KIAA1217: variants seen among roughly 807,000 people sequenced by gnomAD.
KIAA1217 encodes KIAA1217, also known as sickle tail protein homolog.
In KIAA1217, 88 loss-of-function variants were observed where a neutral mutation model predicts 163.9. That is an observed-to-expected ratio of 0.54 (90% CI 0.45 to 0.64). KIAA1217 has a LOEUF of 0.64. KIAA1217 is among the 30% of genes least tolerant of loss of function. The pLI is 0.00. For missense variants in KIAA1217, 2,372 were observed against 2,475.0 expected, an observed-to-expected ratio of 0.96 and a Z score of 0.88; for synonymous variants, 903 against 923.1, an observed-to-expected ratio of 0.98 and a Z score of 0.39.
intron 1 of KIAA1217, among the ~76,000 whole-genome samples, chr10:23,780,195 T>G (rs1159121490): frequency 1.3e-5 from 2 of 152,224 alleles, no homozygotes; most frequent in African/African-American, 4.8e-5. Flanking sequence ...TTGATATACT[T>G]GTACATAGTG....
intron 1 of KIAA1217, among the ~76,000 whole-genome samples, chr10:23,937,898 G>A (rs1843600286): frequency 6.6e-6 from 1 of 152,142 alleles, no homozygotes; most frequent in Non-Finnish European, 1.5e-5. Flanking sequence ...TCCAGGAATC[G>A]GTTTCCAGAC....
chr10:24,248,670 CAAAAAA>C (rs929995548), intron 2 of KIAA1217, among the ~76,000 whole-genome samples: 14 of 36,476 alleles, frequency 3.8e-4, no homozygotes, highest in Admixed American at 7.8e-4. Context: ...GACTCCATCT[CAAAAAA>C]AAAAAAAAAA....
At chr10:23,932,160 C>T (rs1843279263) in intron 1 of KIAA1217, among the ~76,000 whole-genome samples, 1 of 152,066 alleles carries the variant, frequency 6.6e-6, no homozygotes, top group Non-Finnish European at 1.5e-5. Context: ...TTGGTGCAGT[C>T]CTGAAGTTGA....
chr10:23,934,044 A>C (rs1372220836), intron 1 of KIAA1217, among the ~76,000 whole-genome samples: 3 of 152,186 alleles, frequency 2.0e-5, no homozygotes, highest in Non-Finnish European at 4.4e-5. Context: ...CTGGATATGC[A>C]CTCAAAGAAC....
At chr10:24,389,562 AG>A (rs1217709101) in intron 3 of KIAA1217, among the ~76,000 whole-genome samples, 2 of 150,444 alleles carry the variant, frequency 1.3e-5, no homozygotes, top group Non-Finnish European at 3.0e-5. Context: ...AAAAAAAAAA[AG>A]AAAGAAAGAA....
intron 1 of KIAA1217, among the ~76,000 whole-genome samples, chr10:23,990,828 G>A (rs922099363): frequency 6.6e-6 from 1 of 152,174 alleles, no homozygotes; most frequent in Non-Finnish European, 1.5e-5. Flanking sequence ...TTAGGGGTTG[G>A]CAGCCAGAGA....
chr10:24,516,176 A>C (rs1263925767), intron 10 of KIAA1217, among the ~76,000 whole-genome samples: 1 of 152,278 alleles, frequency 6.6e-6, no homozygotes, highest in Non-Finnish European at 1.5e-5. Context: ...AAGGACTTCC[A>C]GGCAGTAGAA....
At chr10:23,890,199 T>C (rs1167805608) in intron 1 of KIAA1217, among the ~76,000 whole-genome samples, 3 of 151,678 alleles carry the variant, frequency 2.0e-5, no homozygotes, top group Non-Finnish European at 4.4e-5. Context: ...AAAAAATAAA[T>C]TTCTTATTTG....
intron 3 of KIAA1217, among the ~76,000 whole-genome samples, chr10:24,424,931 AAT>A (rs954871505): frequency 6.6e-6 from 1 of 152,134 alleles, no homozygotes; most frequent in African/African-American, 2.4e-5. Flanking sequence ...AAGACTCTTG[AAT>A]ACAGTCTCTT....
chr10:23,854,022 G>A (rs9971338), intron 1 of KIAA1217, among the ~76,000 whole-genome samples: 5,597 of 152,080 alleles, frequency 0.037, 311 homozygotes, highest in African/African-American at 0.12. Flanking sequence ...CTTCAGTTCT[G>A]CTCTGATTTT....
rs145532482 is a variant in KIAA1217, at chr10:24,144,225, A to C, written c.-170-75401A>C. On this transcript the variant is annotated intron_variant, in intron 2 of 18. Transcript: ENST00000376462. ...AAGGGGCTACCTTCTCCATGTGTGA[A>C]TCTCATTTTAAATTATCTAAGACAC... is the stretch of plus-strand genomic sequence containing the variant. Among the ~76,000 whole-genome samples, 172 of 152,350 alleles carry C rather than the reference A, an allele frequency of 1.1e-3. 1 individual carries two copies. The highest frequency in any genetic ancestry group is 4.0e-3 in the African/African-American group (168 of 41,588).
chr10:24,252,556 G>T (rs571552650), intron 2 of KIAA1217, among the ~76,000 whole-genome samples: 1 of 152,282 alleles, frequency 6.6e-6, no homozygotes, highest in Admixed American at 6.5e-5. Flanking sequence ...CCACAAGCTG[G>T]GCGACAGCAA....
At chr10:24,479,881 C>T (rs749746371) in intron 6 of KIAA1217, among the ~76,000 whole-genome samples, 9 of 152,120 alleles carry the variant, frequency 5.9e-5, no homozygotes, top group Non-Finnish European at 8.8e-5. Flanking sequence ...CTCTTAAAAG[C>T]GAGAGCAAGA....
intron 1 of KIAA1217, among the ~76,000 whole-genome samples, chr10:23,749,673 G>A (rs1374112473): frequency 6.6e-6 from 1 of 152,162 alleles, no homozygotes; most frequent in East Asian, 1.9e-4. Context: ...CCGAAGTGCT[G>A]GGATTATAGG....
At chr10:24,381,913 G>A (rs2053357643) in intron 3 of KIAA1217, among the ~76,000 whole-genome samples, 3 of 152,100 alleles carry the variant, frequency 2.0e-5, no homozygotes, top group African/African-American at 7.2e-5. Flanking sequence ...ACACGAGGCT[G>A]TTCCCACTAC....
At chr10:24,022,332 A>G (rs1298894413) in intron 2 of KIAA1217, among the ~76,000 whole-genome samples, 1 of 151,904 alleles carries the variant, frequency 6.6e-6, no homozygotes, top group Non-Finnish European at 1.5e-5. Context: ...AGATATACAG[A>G]TGGGAAATAT....
At chr10:24,330,345 CTA>C (rs2045512405) in intron 2 of KIAA1217, among the ~76,000 whole-genome samples, 1 of 150,896 alleles carries the variant, frequency 6.6e-6, no homozygotes, top group Non-Finnish European at 1.5e-5. Flanking sequence ...AAAAGCAAGG[CTA>C]TGTTACCCTT....
At chr10:23,800,056 T>C (rs1229759892) in intron 1 of KIAA1217, among the ~76,000 whole-genome samples, 1 of 152,178 alleles carries the variant, frequency 6.6e-6, no homozygotes, top group Non-Finnish European at 1.5e-5. Context: ...AGAAATCTCT[T>C]GATTGCTTTT....
At chr10:23,742,095 T>A (rs1290208278) in intron 1 of KIAA1217, among the ~76,000 whole-genome samples, 1 of 152,100 alleles carries the variant, frequency 6.6e-6, no homozygotes, top group Non-Finnish European at 1.5e-5. Flanking sequence ...TTGGACTGAG[T>A]GATAGTGCCA....
Sources: allele counts gnomAD v4.1 joint callset (sites outside exome capture counted in the v4.1 genomes callset), GRCh38; gene constraint gnomAD v4.1.1; transcripts MANE v1.5; gene names NCBI Gene and HGNC (gene_info 2026-07-23, HGNC 2026-07-21).